The following DYSF variants were observed in gnomAD, a reference collection of about 807,000 sequenced individuals.
DYSF encodes the protein dysferlin, also known as dystrophy-associated fer-1-like 1.
In DYSF, 212 loss-of-function variants were observed where a neutral mutation model predicts 274.9. The observed-to-expected ratio is 0.77, with a 90% CI of 0.69 to 0.86. The LOEUF (loss-of-function observed/expected upper bound fraction) is 0.86. Ranked by LOEUF, DYSF falls within the 40% of genes least tolerant of loss-of-function variation. The probability of loss-of-function intolerance (pLI) is 0.00; values close to 1 mark genes in which losing one functional copy is unlikely to be tolerated. For missense variants in DYSF, 2,666 were observed against 2,783.2 expected (o/e 0.96, Z 0.95); for synonymous variants, 1,091 against 1,078.7 (o/e 1.01, Z -0.22).
At chr2:71,673,686 G>A (rs2095169854) in intron 51 of DYSF, among the ~76,000 whole-genome samples, 1 of 152,150 alleles carries the variant, frequency 6.6e-6, no homozygotes, top group Admixed American at 6.5e-5. Context: ...CTGGAACCCA[G>A]CTGCCAGGGT....
In DYSF at chr2:71,611,612, C is replaced by T. The variant is rs1482733021; in HGVS notation, c.4207C>T (p.Leu1403Phe). ...RKNPNFDICTLFMEVMLPREE... is the reference protein window; with the variant it reads ...RKNPNFDICTFFMEVMLPREE... ...GAACCCCAACTTTGACATCTGCACC[C>T]TCTTCATGGAAGTGGTGAGCCCCAC... Residue 1403 changes from leucine to phenylalanine, a missense_variant, in exon 38 of 56, where the codon CTC (leucine) becomes TTC (phenylalanine). This residue lies in a region of DYSF where 1,460 missense variants were observed against 1,502.1 expected (regional missense o/e 0.97). Coordinates refer to ENST00000410020, the MANE Select transcript of DYSF (RefSeq NM_001130987.2). 3 of 1,613,950 alleles carry T rather than the reference C, an allele frequency of 1.9e-6. No individual in the cohort carries two copies. The highest frequency in any genetic ancestry group is 2.5e-6 in the Non-Finnish European group (3 of 1,180,014).
chr2:71,568,183 G>A lies in DYSF; in HGVS notation c.2709G>A (p.Glu903=), dbSNP rs959224927. The change falls in exon 26 of 56, where the codon GAG becomes GAA. Residue 903 remains glutamate (E), a synonymous_variant. Transcript: ENST00000410020. ...LSVFAETYEN[E]TKLALVGNWG... ...TCCTGGCCCTCCAGTATGAGAACGA[G>A]ACTAAGTTGGCCCTTGTTGGGAACT... 2 of 1,614,250 alleles carry A rather than the reference G, an allele frequency of 1.2e-6. No individual in the cohort carries two copies. The highest frequency in any genetic ancestry group is 1.7e-6 in the Non-Finnish European group (2 of 1,180,048).
intron 15 of DYSF, 49 bp downstream of exon 15, chr2:71,535,138 G>C: frequency 6.2e-7 from 1 of 1,610,746 alleles, no homozygotes; most frequent in Non-Finnish European, 8.5e-7. Flanking sequence ...GGGGCTCTGG[G>C]CTTCGGGAGG....
In DYSF at chr2:71,674,242, C is replaced by T. The variant is rs121908959; in HGVS notation, c.5830C>T (p.Arg1944Ter). Reference protein sequence around the residue: ...LDKTESKIPARVVFQIWDNDK... With the variant: ...LDKTESKIPA ...CAAGACTGAGAGCAAAATCCCAGCA[C>T]GAGTGGTGTTCCAGATCTGGGACAA... is the stretch of plus-strand genomic sequence containing the variant. The change falls in exon 52 of 56, where the codon CGA becomes TGA. Residue 1944 changes from arginine (R) to a stop codon, truncating the protein, a stop_gained. Coordinates refer to ENST00000410020, the MANE Select transcript of DYSF (RefSeq NM_001130987.2). LOFTEE classifies it high-confidence loss of function. The T allele has an allele frequency of 2.8e-5, 45 of 1,614,122 alleles. No homozygotes were observed. Among genetic ancestry groups the T allele is most frequent in the Non-Finnish European group, 3.3e-5 (39 of 1,180,060 alleles).
chr2:71,528,160 TG>T, intron 13 of DYSF, 137 bp from the exon 14 acceptor site: 1 of 762,924 alleles, frequency 1.3e-6, no homozygotes, highest in Non-Finnish European at 2.3e-6. Flanking sequence ...GGGGAGCCCC[TG>T]GGCTGAGTCC....
At chr2:71,484,862 C>T (rs2083242049) in intron 3 of DYSF, among the ~76,000 whole-genome samples, 1 of 152,194 alleles carries the variant, frequency 6.6e-6, no homozygotes, top group African/African-American at 2.4e-5. Context: ...TGTTCTGGCT[C>T]TGTGGAGCAG....
At chr2:71,583,622 A>G (rs2092968002) in intron 30 of DYSF, among the ~76,000 whole-genome samples, 1 of 152,194 alleles carries the variant, frequency 6.6e-6, no homozygotes, top group Admixed American at 6.5e-5. Context: ...ATCCTGAGCC[A>G]GAACTCTAGG....
Position 71,561,877 on chromosome 2 carries a change from G to A in DYSF, c.2342G>A (p.Ser781Asn). 2 of 1,614,220 alleles carry A rather than the reference G, an allele frequency of 1.2e-6. No individual in the cohort carries two copies. Among genetic ancestry groups the A allele is most frequent in the Non-Finnish European group, 1.7e-6 (2 of 1,180,034 alleles). ...EAALALKLGHSELPAALEQAE... is the reference protein window; with the variant it reads ...EAALALKLGHNELPAALEQAE... ...GCCCTGGCCCTGAAGCTCGGCCACA[G>A]TGAGCTCCCTGCAGCTCTGGAGCAG... Residue 781 changes from serine to asparagine, a missense_variant, in exon 23 of 56, where the codon AGT becomes AAT. This residue lies in a region of DYSF where 412 missense variants were observed against 504.0 expected (regional missense o/e 0.82). Transcript: ENST00000410020.
intron 4 of DYSF, among the ~76,000 whole-genome samples, chr2:71,504,845 T>C (rs150604590): frequency 1.9e-3 from 295 of 152,328 alleles, no homozygotes; most frequent in African/African-American, 6.9e-3. Flanking sequence ...ATCCCCTCCA[T>C]ACCTCCCTTC....
chr2:71,516,105 G>T, intron 8 of DYSF, 75 bp from the exon 9 acceptor site: 1 of 1,423,682 alleles, frequency 7.0e-7, no homozygotes, highest in Non-Finnish European at 9.9e-7. Context: ...GAGGCTTGGG[G>T]GTGGTGGTCC....
At chr2:71,579,363 T>G (rs1346383349) in intron 30 of DYSF, among the ~76,000 whole-genome samples, 1 of 152,198 alleles carries the variant, frequency 6.6e-6, no homozygotes, top group Non-Finnish European at 1.5e-5. Flanking sequence ...CAACGTGTGC[T>G]CAGAGTCTTG....
At chr2:71,683,181 C>T (rs1193396423) in intron 55 of DYSF, among the ~76,000 whole-genome samples, 2 of 152,186 alleles carry the variant, frequency 1.3e-5, no homozygotes, top group Non-Finnish European at 2.9e-5. Context: ...TGTGTCCTGC[C>T]TCCTGCAGCA....
chr2:71,667,561 GC>G (rs751220640), intron 48 of DYSF, 46 bp downstream of exon 48: 26 of 1,612,188 alleles, frequency 1.6e-5, no homozygotes, highest in Middle Eastern at 1.7e-4. Context: ...ACTCCAGAAA[GC>G]CCCAACCCCA....
At chr2:71,487,173 T>A (rs1363643018) in intron 3 of DYSF, among the ~76,000 whole-genome samples, 2 of 152,216 alleles carry the variant, frequency 1.3e-5, no homozygotes, top group African/African-American at 4.8e-5. Context: ...ATGATGGAAA[T>A]GTTGTCTTTG....
At chr2:71,607,900 A>G (rs1038377299) in intron 36 of DYSF, among the ~76,000 whole-genome samples, 4 of 152,142 alleles carry the variant, frequency 2.6e-5, no homozygotes, top group Admixed American at 2.0e-4. Context: ...GGGGCTTAGC[A>G]GAGATGTTTG....
At chr2:71,593,127 T>TC (rs1177224231) in intron 32 of DYSF, among the ~76,000 whole-genome samples, 2 of 108,496 alleles carry the variant, frequency 1.8e-5, no homozygotes, top group African/African-American at 5.4e-5. Flanking sequence ...AGTGACTTCT[T>TC]TTTTTTTTTT....
chr2:71,683,908 A>G (rs2095326252), intron 55 of DYSF, among the ~76,000 whole-genome samples: 1 of 106,344 alleles, frequency 9.4e-6, no homozygotes, highest in Non-Finnish European at 1.9e-5. Flanking sequence ...AGTTATAACC[A>G]CACAGCTTTC....
At chr2:71,624,131 C>T (rs915759436) in intron 41 of DYSF, among the ~76,000 whole-genome samples, 1 of 152,138 alleles carries the variant, frequency 6.6e-6, no homozygotes, top group African/African-American at 2.4e-5. Flanking sequence ...AATGCCCTTC[C>T]TTTTTATATT....
intron 1 of DYSF, among the ~76,000 whole-genome samples, chr2:71,478,040 A>G (rs1456929378): frequency 1.4e-5 from 2 of 142,066 alleles, no homozygotes; most frequent in Non-Finnish European, 3.0e-5. Context: ...TTGGGAAGTT[A>G]TAGTTTTTTT....
Sources: gnomAD v4.1 joint callset for allele counts (sites outside exome capture counted in the v4.1 genomes callset) on GRCh38, gnomAD v4.1.1 for gene constraint, gnomAD v4.1.1 regional missense constraint, MANE v1.5 for transcripts, NCBI Gene and HGNC (gene_info 2026-07-23, HGNC 2026-07-21) for gene names.